The following NUP35 variants were observed in gnomAD, a reference collection of about 807,000 sequenced individuals.
NUP35 encodes nucleoporin NUP35.
Under a neutral mutation model 41.5 loss-of-function variants are expected in NUP35, and 25 were observed. That is an observed-to-expected ratio of 0.60 (90% CI 0.44 to 0.84). The LOEUF is 0.84. Ranked by LOEUF, NUP35 falls within the 40% of genes least tolerant of loss-of-function variation. The probability of loss-of-function intolerance (pLI) is 0.00; values close to 1 mark genes in which losing one functional copy is unlikely to be tolerated. For synonymous variants in NUP35, 149 were observed against 130.7 expected, an observed-to-expected ratio of 1.14 and a Z score of -0.96; for missense variants, 396 against 396.6, an observed-to-expected ratio of 1.00 and a Z score of 0.01.
At chr2:183,122,672 T>C (rs971916858), upstream of NUP35, among the ~76,000 whole-genome samples, 2 of 152,100 alleles carry the variant, frequency 1.3e-5, no homozygotes, top group African/African-American at 4.8e-5. Flanking sequence ...GGGGTCTCAC[T>C]ATCTCAAACT....
intron 4 of NUP35, among the ~76,000 whole-genome samples, chr2:183,150,570 C>G (rs924115088): frequency 6.6e-6 from 1 of 152,148 alleles, no homozygotes; most frequent in Non-Finnish European, 1.5e-5. Flanking sequence ...ATTTAACCCA[C>G]CCACACAAAT....
chr2:183,124,373 G>C, upstream of NUP35: 7 of 1,612,524 alleles, frequency 4.3e-6, no homozygotes, highest in Non-Finnish European at 5.9e-6. Context: ...CCATAAGGTA[G>C]CACGCCGTTA....
intron 3 of NUP35, 76 bp from the exon 4 acceptor site, chr2:183,133,490 A>G (rs1559144598): frequency 1.7e-6 from 2 of 1,180,140 alleles, no homozygotes; most frequent in South Asian, 1.4e-5. Flanking sequence ...TCAGTTATCC[A>G]TTGAATGAAG....
intron 4 of NUP35, among the ~76,000 whole-genome samples, chr2:183,136,514 C>T (rs1264214464): frequency 1.3e-5 from 2 of 152,218 alleles, no homozygotes; most frequent in Non-Finnish European, 2.9e-5. Flanking sequence ...AGGCTGCCCT[C>T]ACTCCTTGGC....
rs1575114960 is a variant in NUP35, at chr2:183,130,618, A to G, written c.339+73A>G. 2.2e-5 allele frequency: 32 copies of G among 1,461,806 alleles called. No individual in the cohort carries two copies. The East Asian group carries it at 6.8e-4, about 31-fold the overall frequency. 90.6% of individuals were successfully genotyped at this position (1,461,806 alleles called of 1,614,324 possible). Reference sequence around the variant, plus strand: ...ATGTGTCTGTTCAGTGAGAGTCAATACTTTGAAATGTTTCCCTGAAGTCTG... The same window carrying G: ...ATGTGTCTGTTCAGTGAGAGTCAATGCTTTGAAATGTTTCCCTGAAGTCTG... On this transcript the variant is annotated intron_variant, in intron 3 of 8. Coordinates refer to ENST00000295119, the MANE Select transcript of NUP35 (RefSeq NM_138285.5).
chr2:183,161,343 G>A lies in NUP35; in HGVS notation c.*212G>A. 1 of 373,036 alleles carries A rather than the reference G, an allele frequency of 2.7e-6. No homozygotes were observed. The highest frequency in any genetic ancestry group is 5.0e-6 in the Non-Finnish European group (1 of 200,512). The allele number at this position is 373,036 out of a possible 1,614,324, so 23.1% of individuals were successfully genotyped here. A position where few individuals can be genotyped will look rare whatever the true frequency, so the allele number is the denominator to read the frequency against. ...ATTTTAAAGAAAACTAAAAATCCCT[G>A]TAAATAGGATTTTGTGCTTTCTGTA... On this transcript the variant is annotated 3_prime_UTR_variant, in exon 9 of 9. Coordinates refer to ENST00000295119, the MANE Select transcript of NUP35 (RefSeq NM_138285.5).
At chr2:183,120,629 G>A (rs1437853104), upstream of NUP35, among the ~76,000 whole-genome samples, 1 of 152,018 alleles carries the variant, frequency 6.6e-6, no homozygotes, top group African/African-American at 2.4e-5. Context: ...AGCAGACACT[G>A]TACTAAGAAT....
At chr2:183,138,088 C>T (rs1310405950) in intron 4 of NUP35, among the ~76,000 whole-genome samples, 1 of 151,604 alleles carries the variant, frequency 6.6e-6, no homozygotes, top group East Asian at 1.9e-4. Context: ...AAGGAATTTA[C>T]ACATAGAAAG....
At chr2:183,138,225 C>G (rs1439090293) in intron 4 of NUP35, among the ~76,000 whole-genome samples, 2 of 134,326 alleles carry the variant, frequency 1.5e-5, no homozygotes, top group Non-Finnish European at 3.1e-5. Context: ...GAGGGGAAAA[C>G]CTAGATTTTT....
chr2:183,155,797 A>G (rs1258153911), intron 5 of NUP35, among the ~76,000 whole-genome samples: 1 of 152,018 alleles, frequency 6.6e-6, no homozygotes, highest in Non-Finnish European at 1.5e-5. Context: ...TAGTGGTTTA[A>G]CTTTTAAGAT....
In NUP35 at chr2:183,128,413, G is replaced by A. The variant is rs779981409; in HGVS notation, c.167G>A (p.Gly56Asp). Residue 56 changes from glycine to aspartate, a missense_variant, in exon 2 of 9, where the codon GGC (glycine) becomes GAC (aspartate). Coordinates refer to ENST00000295119, the MANE Select transcript of NUP35 (RefSeq NM_138285.5). ...ACTCCACAACCTCGATCAATTAGTG[G>A]CCCTTCAGTAGGAGTAATGGAAATG... ...PVTPQPRSIS[G>D]PSVGVMEMRS... 3.1e-6 allele frequency: 5 copies of A among 1,613,804 alleles called. No individual in the cohort carries two copies. In the East Asian group the frequency reaches 8.9e-5, roughly 29 times the overall value.
At chr2:183,146,659 C>T (rs372420244) in intron 4 of NUP35, among the ~76,000 whole-genome samples, 263 of 151,760 alleles carry the variant, frequency 1.7e-3, no homozygotes, top group African/African-American at 6.2e-3. Flanking sequence ...TGAAGTGGCA[C>T]GATGTTGGCT....
Position 183,140,399 on chromosome 2 carries a change from A to G in NUP35, c.397+6776A>G, listed in dbSNP as rs182660491. On this transcript the variant is annotated intron_variant, in intron 4 of 8. Coordinates refer to ENST00000295119, the MANE Select transcript of NUP35 (RefSeq NM_138285.5). ...TGGTTATATTGGGCCTATTTGGATA[A>G]TCTAGGATAATCTTATTTTTAATTA... Among the ~76,000 whole-genome samples the G allele has an allele frequency of 1.2e-4, 19 of 152,184 alleles. No homozygotes were observed. The East Asian group carries it at 3.1e-3, about 25-fold the overall frequency.
chr2:183,154,547 TAAC>T (rs757205921), intron 5 of NUP35, among the ~76,000 whole-genome samples: 1 of 152,202 alleles, frequency 6.6e-6, no homozygotes, highest in African/African-American at 2.4e-5. Flanking sequence ...TGCTAAAACA[TAAC>T]AAGAGTCACC....
intron 4 of NUP35, among the ~76,000 whole-genome samples, chr2:183,150,674 G>A (rs1424911686): frequency 2.0e-5 from 3 of 151,710 alleles, no homozygotes; most frequent in Admixed American, 6.6e-5. Flanking sequence ...TCTCTCTTTC[G>A]CTAGAATGTA....
upstream of NUP35, among the ~76,000 whole-genome samples, chr2:183,120,863 T>A (rs10165922): frequency 1.3e-5 from 2 of 151,932 alleles, no homozygotes; most frequent in Admixed American, 6.6e-5. Flanking sequence ...GATGTACGGG[T>A]AGGTTGTGCA....
intron 5 of NUP35, among the ~76,000 whole-genome samples, chr2:183,152,156 A>ACACACACAG (rs56941373): frequency 0.042 from 5,904 of 139,606 alleles, 265 homozygotes; most frequent in East Asian, 0.089. Flanking sequence ...CACACACACA[A>ACACACACAG]TGTCACAGGG....
intron 1 of NUP35, among the ~76,000 whole-genome samples, chr2:183,126,081 G>A (rs1559140829): frequency 6.6e-6 from 1 of 151,858 alleles, no homozygotes; most frequent in Non-Finnish European, 1.5e-5. Context: ...GTGTCACCTG[G>A]GCTGGAGTGC....
chr2:183,133,684 C>A, intron 4 of NUP35, 61 bp downstream of exon 4: 1 of 1,191,414 alleles, frequency 8.4e-7, no homozygotes, highest in Non-Finnish European at 1.2e-6. Flanking sequence ...CTGCTACCCA[C>A]GCTGGAGTGC....
Sources: allele counts gnomAD v4.1 joint callset (sites outside exome capture counted in the v4.1 genomes callset), GRCh38; gene constraint gnomAD v4.1.1; transcripts MANE v1.5; gene names NCBI Gene and HGNC (gene_info 2026-07-23, HGNC 2026-07-21).